HMGA2: variants seen among roughly 807,000 people sequenced by gnomAD.
HMGA2 encodes high mobility group protein HMGI-C.
In HMGA2, 8 loss-of-function variants were observed where a neutral mutation model predicts 19.1. That is an observed-to-expected ratio of 0.42 (90% CI 0.25 to 0.76). The LOEUF is 0.76. HMGA2 is among the 30% of genes least tolerant of loss of function. The probability of loss-of-function intolerance (pLI) is 0.28; values close to 1 mark genes in which losing one functional copy is unlikely to be tolerated. For missense variants in HMGA2, 109 were observed against 136.3 expected (o/e 0.80, Z 1.00); for synonymous variants, 60 against 48.8 (o/e 1.23, Z -0.96).
chr12:65,917,770 G>A (rs1004519258), intron 3 of HMGA2, among the ~76,000 whole-genome samples: 21 of 152,260 alleles, frequency 1.4e-4, no homozygotes, highest in African/African-American at 2.9e-4. Context: ...TACTTTGCTC[G>A]TATCTCTAGT....
intron 3 of HMGA2, among the ~76,000 whole-genome samples, chr12:65,939,825 G>A (rs763110845): frequency 3.9e-5 from 6 of 152,226 alleles, no homozygotes; most frequent in African/African-American, 9.6e-5. Flanking sequence ...GGCAAGAGAC[G>A]TGGAGATTTC....
At chr12:65,839,794 A>C (rs1870915090) in intron 3 of HMGA2, among the ~76,000 whole-genome samples, 1 of 152,170 alleles carries the variant, frequency 6.6e-6, no homozygotes. Flanking sequence ...ATTACCTTTA[A>C]AGTTAGGGAA....
At chr12:65,873,723 C>A (rs766295625) in intron 3 of HMGA2, 6 of 152,124 alleles carry the variant, frequency 3.9e-5, no homozygotes, top group Non-Finnish European at 7.3e-5. Flanking sequence ...TTATTATATT[C>A]ATCCTCACAA....
At chr12:65,883,415 A>T (rs776988787) in intron 3 of HMGA2, among the ~76,000 whole-genome samples, 4 of 152,216 alleles carry the variant, frequency 2.6e-5, no homozygotes, top group Non-Finnish European at 5.9e-5. Flanking sequence ...GGTATTGTGC[A>T]AAGTACTGTC....
rs539108083 is a variant in HMGA2, at chr12:65,923,226, GA to G, written c.250-28148del. 9.1e-4 allele frequency among the ~76,000 whole-genome samples: 137 copies of G among 150,916 alleles called. 1 individual carries two copies. Among genetic ancestry groups the G allele is most frequent in the African/African-American group, 2.6e-3 (108 of 41,178 alleles). On this transcript the variant is annotated intron_variant, in intron 3 of 4. Coordinates refer to ENST00000403681, the MANE Select transcript of HMGA2 (RefSeq NM_003483.6). Reference sequence around the variant, plus strand: ...GGGCCCAATCAAGTAAAAAAAAGAAGAAAAAAAAATCCCTATGGCTATTCTT... The same window carrying G: ...GGGCCCAATCAAGTAAAAAAAAGAAGAAAAAAAATCCCTATGGCTATTCTT...
chr12:65,829,810 G>A (rs1415199841), intron 2 of HMGA2, among the ~76,000 whole-genome samples: 2 of 151,882 alleles, frequency 1.3e-5, no homozygotes, highest in Non-Finnish European at 2.9e-5. Flanking sequence ...ATTGAGAAAA[G>A]GGAAGCTGAA....
intron 2 of HMGA2, among the ~76,000 whole-genome samples, chr12:65,835,141 T>C (rs1870660226): frequency 6.6e-6 from 1 of 152,240 alleles, no homozygotes; most frequent in Non-Finnish European, 1.5e-5. Context: ...CAAATTCTAT[T>C]CTGGCAAAGG....
At chr12:65,845,793 C>T (rs74097809) in intron 3 of HMGA2, among the ~76,000 whole-genome samples, 3 of 152,218 alleles carry the variant, frequency 2.0e-5, no homozygotes, top group Non-Finnish European at 4.4e-5. Context: ...CAGGAACATT[C>T]TGTCCATAAC....
At chr12:65,860,284 T>C (rs1180821349) in intron 3 of HMGA2, among the ~76,000 whole-genome samples, 1 of 152,220 alleles carries the variant, frequency 6.6e-6, no homozygotes, top group African/African-American at 2.4e-5. Flanking sequence ...AAGCCTGTTT[T>C]ATAAGAAAGT....
chr12:65,851,848 C>G (rs1871488438), intron 3 of HMGA2, among the ~76,000 whole-genome samples: 1 of 152,138 alleles, frequency 6.6e-6, no homozygotes, highest in African/African-American at 2.4e-5. Flanking sequence ...TGATGAAAGG[C>G]CTTTCTGACT....
intron 3 of HMGA2, among the ~76,000 whole-genome samples, chr12:65,902,471 T>C (rs1342562832): frequency 6.6e-6 from 1 of 152,188 alleles, no homozygotes; most frequent in Non-Finnish European, 1.5e-5. Flanking sequence ...AAAAATTCTC[T>C]GTCTTTTCTG....
At chr12:65,873,671 A>T (rs1437198451) in intron 3 of HMGA2, 2 of 152,216 alleles carry the variant, frequency 1.3e-5, no homozygotes, top group Non-Finnish European at 2.9e-5. Context: ...AGATACATAC[A>T]TATATTTAAA....
intron 3 of HMGA2, among the ~76,000 whole-genome samples, chr12:65,944,669 G>A (rs1876200065): frequency 6.6e-6 from 1 of 152,086 alleles, no homozygotes; most frequent in Admixed American, 6.6e-5. Context: ...GAATTAGAAA[G>A]ACCTTATCTT....
At chr12:65,904,908 G>T (rs139523350) in intron 3 of HMGA2, among the ~76,000 whole-genome samples, 2 of 152,032 alleles carry the variant, frequency 1.3e-5, no homozygotes, top group Admixed American at 6.5e-5. Flanking sequence ...TGGGCATGGT[G>T]GTGGGTGCCT....
intron 3 of HMGA2, chr12:65,842,234 C>A: frequency 1.7e-6 from 1 of 600,600 alleles, no homozygotes; most frequent in Non-Finnish European, 2.8e-6. Context: ...TTTAAAGGTC[C>A]AGTTTCCTCA....
chr12:65,842,173 A>G lies in HMGA2; in HGVS notation c.249+3604A>G, dbSNP rs187597194. 2.0e-4 allele frequency: 240 copies of G among 1,176,442 alleles called. No homozygotes were observed. The African/African-American group carries it at 2.9e-3, about 14-fold the overall frequency. 72.9% of individuals were successfully genotyped at this position (1,176,442 alleles called of 1,614,324 possible). On this transcript the variant is annotated intron_variant, in intron 3 of 4. Transcript: ENST00000403681. ...TCTGGATTCAGATGGCTTGGGTTCA[A>G]ATTCTGGTCCGTCACTTAGCTAACT...
In HMGA2 at chr12:65,962,347, G is replaced by A. The variant is rs572369230; in HGVS notation, c.283-898G>A. Among the ~76,000 whole-genome samples the A allele has an allele frequency of 2.6e-5, 4 of 152,246 alleles. No individual in the cohort carries two copies. In the South Asian group the frequency reaches 8.3e-4, roughly 32 times the overall value. On this transcript the variant is annotated intron_variant, in intron 4 of 4. Coordinates refer to ENST00000403681, the MANE Select transcript of HMGA2 (RefSeq NM_003483.6). ...CTCGCAGAAACCCCAACAAATTCCAGAGCCATAAGGAATCAGAAAAAGGAA... is the reference window on the plus strand; with the variant it reads ...CTCGCAGAAACCCCAACAAATTCCAAAGCCATAAGGAATCAGAAAAAGGAA...
chr12:65,895,080 C>T (rs576238973), intron 3 of HMGA2, among the ~76,000 whole-genome samples: 4 of 152,138 alleles, frequency 2.6e-5, no homozygotes, highest in Non-Finnish European at 5.9e-5. Flanking sequence ...TTTGCAATCA[C>T]TTTACTACAG....
At chr12:65,885,964 T>C (rs1302174492) in intron 3 of HMGA2, among the ~76,000 whole-genome samples, 1 of 152,170 alleles carries the variant, frequency 6.6e-6, no homozygotes, top group Non-Finnish European at 1.5e-5. Flanking sequence ...GCCACCCCCT[T>C]GTTTAGCATA....
Sources: allele counts gnomAD v4.1 joint callset (sites outside exome capture counted in the v4.1 genomes callset), GRCh38; gene constraint gnomAD v4.1.1; transcripts MANE v1.5; gene names NCBI Gene and HGNC (gene_info 2026-07-23, HGNC 2026-07-21).